The following NKAIN3 variants were observed in gnomAD, a reference collection of about 807,000 sequenced individuals.
The protein encoded by NKAIN3 is sodium/potassium-transporting ATPase subunit beta-1-interacting protein 3.
In NKAIN3, 25 loss-of-function variants were observed where a neutral mutation model predicts 30.2. The observed-to-expected ratio is 0.83, with a 90% CI of 0.60 to 1.16. The LOEUF (loss-of-function observed/expected upper bound fraction) is 1.16, where lower values mean the gene tolerates loss of function less well. Ranked by LOEUF, NKAIN3 falls within the 50% of genes most tolerant of loss-of-function variation. The pLI, the probability that NKAIN3 is intolerant of heterozygous loss-of-function variation, is 0.00. For missense variants in NKAIN3, 225 were observed against 254.1 expected (o/e 0.89, Z 0.78); for synonymous variants, 91 against 89.6 (o/e 1.02, Z -0.09).
intron 1 of NKAIN3, among the ~76,000 whole-genome samples, chr8:62,445,243 C>G (rs927970920): frequency 6.6e-6 from 1 of 152,010 alleles, no homozygotes; most frequent in African/African-American, 2.4e-5. Context: ...CACGCCCAAC[C>G]TTGACTTGCA....
intron 3 of NKAIN3, among the ~76,000 whole-genome samples, chr8:62,592,591 A>G (rs1473417041): frequency 6.6e-6 from 1 of 152,082 alleles, no homozygotes; most frequent in Non-Finnish European, 1.5e-5. Flanking sequence ...TGGTAGATTA[A>G]AACACAACCA....
In NKAIN3 at chr8:62,749,710, T is replaced by G. The variant is rs368553333; in HGVS notation, c.471+2581T>G. On this transcript the variant is annotated intron_variant, in intron 4 of 6. Transcript: ENST00000623646. ...TTTTTTTTTTTTTTTAAGACGGAGT[T>G]TTGCTCTTGTTGCCCAGGCTGGAGC... Among the ~76,000 whole-genome samples the G allele has an allele frequency of 5.0e-4, 71 of 143,390 alleles. No homozygotes were observed. The East Asian group carries it at 0.012, about 24-fold the overall frequency. 94.1% of individuals were successfully genotyped at this position (143,390 alleles called of 152,430 possible). A position where few individuals can be genotyped will look rare whatever the true frequency, so the allele number is the denominator to read the frequency against.
At chr8:62,704,366 T>C (rs1814447196) in intron 3 of NKAIN3, among the ~76,000 whole-genome samples, 1 of 152,226 alleles carries the variant, frequency 6.6e-6, no homozygotes, top group African/African-American at 2.4e-5. Context: ...ATCTTGGCTT[T>C]CTGCAGATAT....
chr8:62,736,410 G>T (rs1016409795), intron 3 of NKAIN3, among the ~76,000 whole-genome samples: 1 of 152,098 alleles, frequency 6.6e-6, no homozygotes, highest in Non-Finnish European at 1.5e-5. Flanking sequence ...ATGTTCCAAG[G>T]CAGATTATGG....
At chr8:62,507,659 G>A (rs964311713) in intron 1 of NKAIN3, among the ~76,000 whole-genome samples, 1 of 152,086 alleles carries the variant, frequency 6.6e-6, no homozygotes, top group African/African-American at 2.4e-5. Flanking sequence ...TGGTATCCCA[G>A]AATAGATAAA....
At chr8:62,699,722 G>C (rs1321965408) in intron 3 of NKAIN3, among the ~76,000 whole-genome samples, 2 of 152,162 alleles carry the variant, frequency 1.3e-5, no homozygotes, top group Non-Finnish European at 2.9e-5. Flanking sequence ...GATTAGTCTT[G>C]AACTGTAGCC....
Position 62,289,614 on chromosome 8 carries a change from G to A in NKAIN3, c.54+40487G>A, listed in dbSNP as rs1813514792. On this transcript the variant is annotated intron_variant, in intron 1 of 6. Coordinates refer to ENST00000623646, the MANE Select transcript of NKAIN3 (RefSeq NM_001304533.3). The stretch of plus-strand genomic sequence containing the variant: ...TCTATTGGTCTATATCTCTGTTTTG[G>A]TACTGGTACCATGCTGTTTTGGTTA... Among the ~76,000 whole-genome samples, 4 of 152,182 alleles carry A rather than the reference G, an allele frequency of 2.6e-5. No homozygotes were observed. In the South Asian group the frequency reaches 6.2e-4, roughly 24 times the overall value.
intron 4 of NKAIN3, among the ~76,000 whole-genome samples, chr8:62,838,293 G>A (rs934770365): frequency 6.6e-6 from 1 of 151,578 alleles, no homozygotes; most frequent in Non-Finnish European, 1.5e-5. Flanking sequence ...TTCATCATCA[G>A]AGGCAAAGTG....
At chr8:62,877,582 A>C (rs1341575470) in intron 4 of NKAIN3, among the ~76,000 whole-genome samples, 1 of 152,246 alleles carries the variant, frequency 6.6e-6, no homozygotes, top group Non-Finnish European at 1.5e-5. Context: ...CTGGAGCCAG[A>C]CACCTCATTT....
chr8:62,286,697 T>C (rs1813390002), intron 1 of NKAIN3, among the ~76,000 whole-genome samples: 1 of 152,120 alleles, frequency 6.6e-6, no homozygotes, highest in South Asian at 2.1e-4. Flanking sequence ...TTTCAAGTAC[T>C]GACATGAAGA....
chr8:62,734,048 A>G (rs1357099194), intron 3 of NKAIN3, among the ~76,000 whole-genome samples: 1 of 152,118 alleles, frequency 6.6e-6, no homozygotes, highest in African/African-American at 2.4e-5. Flanking sequence ...TTGGGAGGCC[A>G]TTGCAAAAGG....
At chr8:62,306,236 G>A (rs956444131) in intron 1 of NKAIN3, among the ~76,000 whole-genome samples, 2 of 149,936 alleles carry the variant, frequency 1.3e-5, no homozygotes, top group East Asian at 3.9e-4. Context: ...TACTATTTGA[G>A]GAGAGAACCA....
At chr8:62,533,208 T>C (rs909214985) in intron 1 of NKAIN3, among the ~76,000 whole-genome samples, 3 of 152,284 alleles carry the variant, frequency 2.0e-5, no homozygotes, top group East Asian at 3.9e-4. Context: ...AAAGGCCTCA[T>C]TGAAAATGTG....
chr8:62,899,931 CA>C (rs1301396719), intron 4 of NKAIN3, among the ~76,000 whole-genome samples: 1 of 151,452 alleles, frequency 6.6e-6, no homozygotes, highest in Non-Finnish European at 1.5e-5. Flanking sequence ...GTACAATGTA[CA>C]CTACTCAGGT....
chr8:62,895,713 T>C (rs2130830179), intron 4 of NKAIN3, among the ~76,000 whole-genome samples: 1 of 152,266 alleles, frequency 6.6e-6, no homozygotes, highest in South Asian at 2.1e-4. Flanking sequence ...CTTACTAATC[T>C]ATTTCTGATT....
chr8:62,522,483 G>A (rs541031048), intron 1 of NKAIN3, among the ~76,000 whole-genome samples: 1 of 152,088 alleles, frequency 6.6e-6, no homozygotes, highest in Admixed American at 6.6e-5. Flanking sequence ...AAAAGTAAGT[G>A]TAAAACAGCC....
At chr8:62,670,361 T>C (rs1813261638) in intron 3 of NKAIN3, among the ~76,000 whole-genome samples, 1 of 152,218 alleles carries the variant, frequency 6.6e-6, no homozygotes, top group Non-Finnish European at 1.5e-5. Context: ...AAATTGTTTC[T>C]ACTCAGTACC....
At chr8:62,352,221 A>G (rs1816202657) in intron 1 of NKAIN3, among the ~76,000 whole-genome samples, 1 of 152,152 alleles carries the variant, frequency 6.6e-6, no homozygotes, top group Non-Finnish European at 1.5e-5. Context: ...ACTTCTGTCG[A>G]CCTGACTCCT....
At chr8:62,850,548 G>A (rs1234772875) in intron 4 of NKAIN3, among the ~76,000 whole-genome samples, 1 of 152,036 alleles carries the variant, frequency 6.6e-6, no homozygotes, top group East Asian at 1.9e-4. Context: ...TGTCCTGAAT[G>A]GTATTGACTA....
Sources: gnomAD v4.1 joint callset for allele counts (sites outside exome capture counted in the v4.1 genomes callset) on GRCh38, gnomAD v4.1.1 for gene constraint, MANE v1.5 for transcripts, NCBI Gene and HGNC (gene_info 2026-07-23, HGNC 2026-07-21) for gene names.